Variants in AJAP1 observed in about 807,000 individuals in gnomAD.
AJAP1 encodes adherens junction-associated protein 1.
In AJAP1, 5 loss-of-function variants were observed where a neutral mutation model predicts 35.0. That is an observed-to-expected ratio of 0.14 (90% CI 0.07 to 0.30). The LOEUF (loss-of-function observed/expected upper bound fraction) is 0.30. Among genes scored for constraint, AJAP1 ranks in the 10% least tolerant of loss-of-function variants. The probability of loss-of-function intolerance (pLI) is 1.00; values close to 1 mark genes in which losing one functional copy is unlikely to be tolerated. For synonymous variants in AJAP1, 284 were observed against 249.3 expected (o/e 1.14, Z -1.31); for missense variants, 586 against 571.0 (o/e 1.03, Z -0.27).
chr1:4,693,403 G>A lies in AJAP1; in HGVS notation c.30-18497G>A, dbSNP rs1639788703. On this transcript the variant is annotated intron_variant, in intron 1 of 5. Transcript: ENST00000378191. The surrounding 1 kb of genome is among the most constrained non-coding windows in gnomAD (Gnocchi z 4.4). ...AGGCAGGGGGCGGGGGGAGGGATTG[G>A]AGGAGGCCTAAGCAGGAGCAGGTAG... Among the ~76,000 whole-genome samples, 1 of 151,876 alleles carries A rather than the reference G, an allele frequency of 6.6e-6. No individual in the cohort carries two copies. Among genetic ancestry groups the A allele is most frequent in the Admixed American group, 6.6e-5 (1 of 15,266 alleles).
chr1:4,707,221 C>T (rs1640120864), intron 1 of AJAP1, among the ~76,000 whole-genome samples: 1 of 152,208 alleles, frequency 6.6e-6, no homozygotes, highest in Non-Finnish European at 1.5e-5. Flanking sequence ...ATGCACTCCA[C>T]ATTGTCCCCA....
chr1:4,705,395 CTTTTTTTTTTTTTTTTTTT>C lies in AJAP1; in HGVS notation c.30-6489_30-6471del, dbSNP rs58022692. 3.1e-3 allele frequency among the ~76,000 whole-genome samples: 75 copies of C among 23,818 alleles called. 1 individual carries two copies. Among genetic ancestry groups the C allele is most frequent in the African/African-American group, 0.01 (70 of 6,744 alleles). 15.6% of individuals were successfully genotyped at this position (23,818 alleles called of 152,430 possible). A position where few individuals can be genotyped will look rare whatever the true frequency, so the allele number is the denominator to read the frequency against. ...AGCCAAATGGGGAAGTTTTGAAGAG[CTTTTTTTTTTTTTTTTTTT>C]TTTTTTTTTTTTTTTAATGAGTACT... is the stretch of plus-strand genomic sequence containing the variant. On this transcript the variant is annotated intron_variant, in intron 1 of 5. Transcript: ENST00000378191.
At chr1:4,755,353 G>T (rs1347521761) in intron 2 of AJAP1, among the ~76,000 whole-genome samples, 1 of 151,946 alleles carries the variant, frequency 6.6e-6, no homozygotes, top group African/African-American at 2.4e-5. Context: ...CCACACTTAA[G>T]ATTGCATTGC....
At chr1:4,731,184 G>A (rs1210131844) in intron 2 of AJAP1, among the ~76,000 whole-genome samples, 4 of 152,122 alleles carry the variant, frequency 2.6e-5, no homozygotes, top group Non-Finnish European at 4.4e-5. Flanking sequence ...GGGTTCAAGC[G>A]ATTCTCTTGC....
chr1:4,694,116 TG>T (rs1639803398), intron 1 of AJAP1, among the ~76,000 whole-genome samples: 1 of 152,114 alleles, frequency 6.6e-6, no homozygotes. Context: ...CCCGTAAAGC[TG>T]GGAGGGGCGG....
At chr1:4,762,126 A>C (rs1003665702) in intron 2 of AJAP1, among the ~76,000 whole-genome samples, 3 of 152,236 alleles carry the variant, frequency 2.0e-5, no homozygotes, top group African/African-American at 7.2e-5. Context: ...AACATAATGC[A>C]ACTATCCTTC....
intron 2 of AJAP1, among the ~76,000 whole-genome samples, chr1:4,766,879 TA>T (rs931683244): frequency 4.0e-5 from 6 of 151,772 alleles, no homozygotes; most frequent in African/African-American, 1.2e-4. Context: ...TCAGACAGGT[TA>T]AAAAAAATGT....
At chr1:4,657,270 T>C (rs1432615410) in intron 1 of AJAP1, among the ~76,000 whole-genome samples, 2 of 152,174 alleles carry the variant, frequency 1.3e-5, no homozygotes, top group African/African-American at 4.8e-5. Context: ...TAGGAAATAG[T>C]TCTGTTGGTT....
intron 1 of AJAP1, among the ~76,000 whole-genome samples, chr1:4,668,817 G>A (rs1375967885): frequency 1.3e-5 from 2 of 152,304 alleles, no homozygotes; most frequent in South Asian, 2.1e-4. Flanking sequence ...CTTTCTTGCC[G>A]GGCTCTGCCT....
Position 4,787,352 on chromosome 1 carries a change from TG to T in AJAP1, c.*4873del. 7.4e-6 allele frequency: 1 copy of T among 135,166 alleles called. No homozygotes were observed. The highest frequency in any genetic ancestry group is 1.4e-5 in the Non-Finnish European group (1 of 72,766). 8.4% of individuals were successfully genotyped at this position (135,166 alleles called of 1,614,324 possible). ...AGGAGAGAGGGGAAGAGGGAGAGAG[TG>T]GGGGGCATTGAAGGGGAAGAAAGAG... On this transcript the variant is annotated 3_prime_UTR_variant, in exon 6 of 6. Coordinates refer to ENST00000378191, the MANE Select transcript of AJAP1 (RefSeq NM_018836.4).
chr1:4,699,380 C>T lies in AJAP1; in HGVS notation c.30-12520C>T, dbSNP rs535609383. 1.2e-4 allele frequency among the ~76,000 whole-genome samples: 18 copies of T among 152,322 alleles called. No homozygotes were observed. The South Asian group carries it at 3.3e-3, about 28-fold the overall frequency. ...TCCCATCCTTGGTTGGCTTCAAAAG[C>T]GCCTGGCATGCATACCGAGTTTCGT... On this transcript the variant is annotated intron_variant, in intron 1 of 5. Coordinates refer to ENST00000378191, the MANE Select transcript of AJAP1 (RefSeq NM_018836.4).
chr1:4,761,036 G>A (rs766637452), intron 2 of AJAP1, among the ~76,000 whole-genome samples: 10 of 152,198 alleles, frequency 6.6e-5, no homozygotes, highest in Non-Finnish European at 1.2e-4. Flanking sequence ...TCTTGCAAAC[G>A]TGAAGTGAGG....
intron 2 of AJAP1, among the ~76,000 whole-genome samples, chr1:4,761,290 C>G (rs1245700129): frequency 6.6e-6 from 1 of 152,214 alleles, no homozygotes; most frequent in African/African-American, 2.4e-5. Context: ...TTTAGGCTTG[C>G]AGCTGGGTGG....
At chr1:4,671,956 C>CAA (rs890535074) in intron 1 of AJAP1, among the ~76,000 whole-genome samples, 74 of 152,186 alleles carry the variant, frequency 4.9e-4, no homozygotes, top group Admixed American at 4.8e-3. Context: ...AGCTGTGAGG[C>CAA]ACACTGTTCT....
At chr1:4,694,128 G>A (rs576439559) in intron 1 of AJAP1, among the ~76,000 whole-genome samples, 12 of 152,302 alleles carry the variant, frequency 7.9e-5, no homozygotes, top group African/African-American at 2.9e-4. Flanking sequence ...GGAGGGGCGG[G>A]GTGAGCCTCC....
intron 1 of AJAP1, among the ~76,000 whole-genome samples, chr1:4,677,736 G>A (rs1470058078): frequency 9.6e-6 from 1 of 104,592 alleles, no homozygotes; most frequent in Non-Finnish European, 2.0e-5. Context: ...TGAAAATGAT[G>A]TGCATTCAAA....
At chr1:4,685,115 A>G (rs376718638) in intron 1 of AJAP1, among the ~76,000 whole-genome samples, 2 of 152,290 alleles carry the variant, frequency 1.3e-5, no homozygotes, top group East Asian at 1.9e-4. Flanking sequence ...AGCGTCCAGC[A>G]TCTGTGTGAC....
At chr1:4,658,387 A>G (rs1638929617) in intron 1 of AJAP1, among the ~76,000 whole-genome samples, 1 of 152,134 alleles carries the variant, frequency 6.6e-6, no homozygotes, top group East Asian at 1.9e-4. Context: ...GCAGGGATCC[A>G]TTGGCTTGGC....
chr1:4,696,915 T>G (rs914840852), intron 1 of AJAP1, among the ~76,000 whole-genome samples: 2 of 151,860 alleles, frequency 1.3e-5, no homozygotes, highest in Admixed American at 1.3e-4. Context: ...TGTACATGCA[T>G]GCATGTTCTG....
Sources: allele counts gnomAD v4.1 joint callset (sites outside exome capture counted in the v4.1 genomes callset), GRCh38; gene constraint gnomAD v4.1.1; non-coding constraint Gnocchi (gnomAD v3.1); transcripts MANE v1.5; gene names NCBI Gene and HGNC (gene_info 2026-07-23, HGNC 2026-07-21).